The following HSF2BP variants were observed in gnomAD, a reference collection of about 807,000 sequenced individuals.
The protein encoded by HSF2BP is heat shock transcription factor 2 binding protein.
Under a neutral mutation model 35.0 loss-of-function variants are expected in HSF2BP, and 35 were observed. That is an observed-to-expected ratio of 1.00 (90% CI 0.76 to 1.32). HSF2BP has a LOEUF of 1.32. HSF2BP is among the 40% of genes most tolerant of loss of function. The pLI is 0.00. For missense variants in HSF2BP, 326 were observed against 321.7 expected, an observed-to-expected ratio of 1.01 and a Z score of -0.10; for synonymous variants, 114 against 117.4, an observed-to-expected ratio of 0.97 and a Z score of 0.18.
chr21:43,588,485 G>A (rs1015901976), intron 8 of HSF2BP, among the ~76,000 whole-genome samples: 3 of 151,738 alleles, frequency 2.0e-5, no homozygotes, highest in African/African-American at 7.3e-5. Context: ...AACAGGGTCT[G>A]GAGCCAGGCG....
chr21:43,586,155 C>T (rs1361108002), intron 8 of HSF2BP, among the ~76,000 whole-genome samples: 1 of 152,170 alleles, frequency 6.6e-6, no homozygotes, highest in Non-Finnish European at 1.5e-5. Context: ...CATGTGGCCA[C>T]CATCTCAATA....
At chr21:43,651,675 C>T (rs544713299) in intron 3 of HSF2BP, among the ~76,000 whole-genome samples, 1 of 152,178 alleles carries the variant, frequency 6.6e-6, no homozygotes, top group Non-Finnish European at 1.5e-5. Flanking sequence ...TTCTGCTATA[C>T]CCCCAATCCT....
chr21:43,603,270 C>G (rs918507401), intron 7 of HSF2BP, among the ~76,000 whole-genome samples: 6 of 152,124 alleles, frequency 3.9e-5, no homozygotes, highest in African/African-American at 1.4e-4. Context: ...CGCTCAGGGC[C>G]CCCCGCAATC....
intron 6 of HSF2BP, among the ~76,000 whole-genome samples, chr21:43,629,188 A>T (rs1323124211): frequency 6.6e-6 from 1 of 152,228 alleles, no homozygotes; most frequent in East Asian, 1.9e-4. Flanking sequence ...CAGCTGCCAT[A>T]GACAGTGATT....
At chr21:43,600,615 C>G (rs554351832) in intron 7 of HSF2BP, among the ~76,000 whole-genome samples, 1 of 152,296 alleles carries the variant, frequency 6.6e-6, no homozygotes, top group East Asian at 1.9e-4. Flanking sequence ...GTGCCTCTTT[C>G]CTCAGTCAAG....
chr21:43,467,597 C>G, the HSF2BP span, among the ~76,000 whole-genome samples: 2 of 150,770 alleles, frequency 1.3e-5, no homozygotes, highest in Admixed American at 1.3e-4. Context: ...TTAGCCTGAG[C>G]TTGGCACCCA....
rs1241117445 is a variant in HSF2BP at position 43,659,411 on chromosome 21, G to A, written c.-250C>T. On this transcript the variant is annotated 5_prime_UTR_variant, in exon 1 of 9. Transcript: ENST00000291560. The surrounding 1 kb of genome is among the most constrained non-coding windows in gnomAD (Gnocchi z 4.2). ...CTCGCCGTCTACAGCCTGAATTTTG[G>A]CAACCGAAAGGCAGCGCCGGCGCCA... 3 of 214,724 alleles carry A rather than the reference G, an allele frequency of 1.4e-5. No homozygotes were observed. The highest frequency in any genetic ancestry group is 2.7e-5 in the Non-Finnish European group (3 of 110,534). The allele number at this position is 214,724 out of a possible 1,614,324, so 13.3% of individuals were successfully genotyped here. A position where few individuals can be genotyped will look rare whatever the true frequency, so the allele number is the denominator to read the frequency against.
intron 7 of HSF2BP, among the ~76,000 whole-genome samples, chr21:43,605,097 TACATCACAC>T (rs1285524494): frequency 2.6e-5 from 3 of 114,564 alleles, no homozygotes; most frequent in East Asian, 2.9e-4. Context: ...ACAACACACA[TACATCACAC>T]ACATCACACA....
At chr21:43,576,282 A>G (rs1243732140) in intron 8 of HSF2BP, among the ~76,000 whole-genome samples, 1 of 152,150 alleles carries the variant, frequency 6.6e-6, no homozygotes, top group Non-Finnish European at 1.5e-5. Flanking sequence ...TGAGTTCCTA[A>G]TTGTCTGCAA....
intron 3 of HSF2BP, among the ~76,000 whole-genome samples, chr21:43,652,815 T>C (rs1393723811): frequency 6.6e-6 from 1 of 152,044 alleles, no homozygotes; most frequent in Non-Finnish European, 1.5e-5. Flanking sequence ...ACATGTGAGT[T>C]TCATGAGATA....
At chr21:43,655,701 T>C (rs2838338) in intron 3 of HSF2BP, among the ~76,000 whole-genome samples, 99,377 of 152,046 alleles carry the variant, frequency 0.65, 32,807 homozygotes, top group East Asian at 0.79. Flanking sequence ...GCCCCATCTG[T>C]AGGGATCTAC....
At chr21:43,572,554 T>G (rs563962954) in intron 8 of HSF2BP, among the ~76,000 whole-genome samples, 1 of 152,306 alleles carries the variant, frequency 6.6e-6, no homozygotes, top group East Asian at 1.9e-4. Flanking sequence ...GAAGGCCCAC[T>G]ACAAAGCCAG....
At chr21:43,611,184 T>C (rs1358667204) in intron 7 of HSF2BP, among the ~76,000 whole-genome samples, 1 of 152,148 alleles carries the variant, frequency 6.6e-6, no homozygotes, top group Non-Finnish European at 1.5e-5. Context: ...AGGTCGAGGC[T>C]GCAGTGAGCC....
chr21:43,641,052 A>G (rs890626754), intron 4 of HSF2BP, among the ~76,000 whole-genome samples: 2 of 152,124 alleles, frequency 1.3e-5, no homozygotes, highest in Non-Finnish European at 2.9e-5. Flanking sequence ...TTTTCTTTTA[A>G]AAGTTTCTTG....
intron 4 of HSF2BP, among the ~76,000 whole-genome samples, chr21:43,642,054 G>A (rs1271745927): frequency 6.6e-6 from 1 of 152,002 alleles, no homozygotes; most frequent in South Asian, 2.1e-4. Context: ...CCAGCATTTT[G>A]GGAGGCCCAA....
At chr21:43,639,875 G>GTT (rs1487748956) in intron 4 of HSF2BP, among the ~76,000 whole-genome samples, 1 of 152,024 alleles carries the variant, frequency 6.6e-6, no homozygotes, top group Non-Finnish European at 1.5e-5. Flanking sequence ...AAAAAAAACC[G>GTT]TAAGAACTAT....
chr21:43,648,283 C>G (rs1048777020), intron 3 of HSF2BP, among the ~76,000 whole-genome samples: 2 of 152,168 alleles, frequency 1.3e-5, no homozygotes, highest in Non-Finnish European at 2.9e-5. Flanking sequence ...AATAGCAGCC[C>G]CGCAGGAAAC....
intron 3 of HSF2BP, among the ~76,000 whole-genome samples, chr21:43,655,622 C>T (rs1175062259): frequency 6.6e-6 from 1 of 152,106 alleles, no homozygotes; most frequent in Non-Finnish European, 1.5e-5. Context: ...AACACCCCAA[C>T]CTCTCTCTCC....
chr21:43,602,243 C>T (rs2082060753), intron 7 of HSF2BP, among the ~76,000 whole-genome samples: 1 of 152,240 alleles, frequency 6.6e-6, no homozygotes, highest in Non-Finnish European at 1.5e-5. Context: ...TAAAAGGCTG[C>T]TATTGTCTTA....
Sources: gnomAD v4.1 joint callset for allele counts (sites outside exome capture counted in the v4.1 genomes callset) on GRCh38, gnomAD v4.1.1 for gene constraint, Gnocchi (gnomAD v3.1) non-coding constraint, MANE v1.5 for transcripts, NCBI Gene and HGNC (gene_info 2026-07-23, HGNC 2026-07-21) for gene names.